DENND4A: variants seen among roughly 807,000 people sequenced by gnomAD.
DENND4A encodes the protein DENN domain containing 4A.
Under a neutral mutation model 199.3 loss-of-function variants are expected in DENND4A, and 70 were observed. That is an observed-to-expected ratio of 0.35 (90% CI 0.29 to 0.43). The LOEUF (loss-of-function observed/expected upper bound fraction) is 0.43, where lower values mean the gene tolerates loss of function less well. Among genes scored for constraint, DENND4A ranks in the 20% least tolerant of loss-of-function variants. The pLI, the probability that DENND4A is intolerant of heterozygous loss-of-function variation, is 1.00. For synonymous variants in DENND4A, 686 were observed against 766.9 expected (o/e 0.89, Z 1.74); for missense variants, 1,723 against 2,255.8 (o/e 0.76, Z 4.78).
chr15:65,732,492 A>G lies in DENND4A; in HGVS notation c.1107+260T>C, dbSNP rs1189155090. 2.6e-5 allele frequency among the ~76,000 whole-genome samples: 4 copies of G among 152,144 alleles called. No individual in the cohort carries two copies. In the South Asian group the frequency reaches 8.3e-4, roughly 31 times the overall value. On this transcript the variant is annotated intron_variant, in intron 8 of 32. Transcript: ENST00000443035. ...ATACCTACAACAAATTTAGGGGAAA[A>G]AAGTTCCTTTCTGTGTATTCAAAAT...
At chr15:65,757,995 A>G (rs1441393097) in intron 2 of DENND4A, among the ~76,000 whole-genome samples, 2 of 152,142 alleles carry the variant, frequency 1.3e-5, no homozygotes, top group Non-Finnish European at 2.9e-5. Flanking sequence ...AAGAAAAAAA[A>G]AAGTGTTCCC....
At chr15:65,727,996 T>G (rs985439368) in intron 11 of DENND4A, among the ~76,000 whole-genome samples, 11 of 152,002 alleles carry the variant, frequency 7.2e-5, no homozygotes, top group African/African-American at 2.7e-4. Flanking sequence ...GATGAGTTTT[T>G]TTTGTTTGTT....
At position 65,760,588 on chromosome 15, in the gene DENND4A, C is replaced by T. The variant is rs145230365; in HGVS notation, c.-23+772G>A. ...CATAAAATAGTTTTATGTCTTGCTA[C>T]GTAGAAAGAAGGGTAAGAGGCCGGG... On this transcript the variant is annotated intron_variant, in intron 2 of 32. Coordinates refer to ENST00000443035, the MANE Select transcript of DENND4A (RefSeq NM_001320835.1). Among the ~76,000 whole-genome samples the T allele has an allele frequency of 2.4e-3, 358 of 151,762 alleles. 3 individuals are homozygous for T. The highest frequency in any genetic ancestry group is 8.1e-3 in the African/African-American group (334 of 41,372).
chr15:65,768,348 T>A (rs1567094045), intron 1 of DENND4A, among the ~76,000 whole-genome samples: 1 of 152,082 alleles, frequency 6.6e-6, no homozygotes, highest in East Asian at 1.9e-4. Flanking sequence ...TTCTTTTACT[T>A]TTTAAAATAT....
At chr15:65,683,867 T>A (rs887209303) in intron 23 of DENND4A, among the ~76,000 whole-genome samples, 1 of 152,228 alleles carries the variant, frequency 6.6e-6, no homozygotes, top group Non-Finnish European at 1.5e-5. Context: ...AGATACCTCA[T>A]GCCCATTTAC....
intron 1 of DENND4A, among the ~76,000 whole-genome samples, chr15:65,789,973 T>A (rs934049207): frequency 6.6e-6 from 1 of 152,158 alleles, no homozygotes; most frequent in Admixed American, 6.5e-5. Flanking sequence ...CTGGGCAACA[T>A]GGCGAAACCC....
chr15:65,738,681 A>C, intron 6 of DENND4A, 25 bp downstream of exon 6: 2 of 1,574,988 alleles, frequency 1.3e-6, no homozygotes, highest in Non-Finnish European at 1.7e-6. Context: ...AAATTTGTAG[A>C]TACAATTTGT....
intron 24 of DENND4A, among the ~76,000 whole-genome samples, chr15:65,673,901 C>G (rs78852959): frequency 7.7e-4 from 117 of 152,236 alleles, no homozygotes; most frequent in African/African-American, 2.7e-3. Context: ...AACTAATCTA[C>G]AGTATAGAAT....
At chr15:65,716,129 C>G (rs953128093) in intron 13 of DENND4A, among the ~76,000 whole-genome samples, 3 of 152,040 alleles carry the variant, frequency 2.0e-5, no homozygotes, top group African/African-American at 4.8e-5. Context: ...CTTTCAGGCC[C>G]AGGAATTCAA....
chr15:65,753,636 C>T (rs749512631), intron 3 of DENND4A, among the ~76,000 whole-genome samples: 5 of 151,892 alleles, frequency 3.3e-5, no homozygotes, highest in African/African-American at 4.8e-5. Context: ...TGGGATTACA[C>T]GTGTAAGCCA....
rs763902936 is a variant in DENND4A at position 65,669,771 on chromosome 15, A to T, written c.4787+8T>A. 4 of 1,599,972 alleles carry T rather than the reference A, an allele frequency of 2.5e-6. No individual in the cohort carries two copies. The highest frequency in any genetic ancestry group is 2.6e-6 in the Non-Finnish European group (3 of 1,170,582). ...TGTTAAAATATAGTTCCACATAATC[A>T]TAATTACCTATTTAGATCAAAATTC... On this transcript the variant is annotated splice_region_variant and intron_variant, in intron 27 of 32. Transcript: ENST00000443035.
At chr15:65,785,685 T>C (rs924778011) in intron 1 of DENND4A, among the ~76,000 whole-genome samples, 5 of 152,100 alleles carry the variant, frequency 3.3e-5, no homozygotes, top group African/African-American at 1.2e-4. Context: ...ACTACGTATA[T>C]AATAGTTATC....
Position 65,737,894 on chromosome 15 carries a change from T to C in DENND4A, c.853A>G (p.Thr285Ala), listed in dbSNP as rs767401227. ...CCCAAAAGAAGTCTCTGCTTTTCTG[T>C]GAGATTCTCCTCAGAGTATGGTTCA... ...FYEPYSEENL[T>A]EKQRLLLGLT... is the part of the protein sequence containing the mutation. Residue 285 changes from threonine (T) to alanine (A), a missense_variant, in exon 7 of 33, where the codon ACA becomes GCA. By Grantham distance (58) the Thr-to-Ala change is moderately conservative. This residue lies in a region of DENND4A where 725 missense variants were observed against 952.9 expected (regional missense o/e 0.76). Transcript: ENST00000443035. The C allele has an allele frequency of 6.2e-7, 1 of 1,602,596 alleles. No individual in the cohort carries two copies. Among genetic ancestry groups the C allele is most frequent in the South Asian group, 1.1e-5 (1 of 89,074 alleles).
At position 65,667,930 on chromosome 15, in the gene DENND4A, C is replaced by A. The variant is rs775112024; in HGVS notation, c.4981G>T (p.Ala1661Ser). ...TGSLPATLQG[A>S]TDSLGLEWHL... ...AAATACACCAAAATACATACTGTAGCTCCTTGTAAAGTAGCTGGCAGGCTG... is the reference window on the plus strand; with the variant it reads ...AAATACACCAAAATACATACTGTAGATCCTTGTAAAGTAGCTGGCAGGCTG... Residue 1661 changes from alanine to serine, a missense_variant, in exon 28 of 33, where the codon GCT becomes TCT. This residue lies in a region of DENND4A where 141 missense variants were observed against 170.7 expected (regional missense o/e 0.83). Transcript: ENST00000443035. 1 of 1,605,248 alleles carries A rather than the reference C, an allele frequency of 6.2e-7. No individual in the cohort carries two copies. Among genetic ancestry groups the A allele is most frequent in the Non-Finnish European group, 8.5e-7 (1 of 1,178,122 alleles).
intron 2 of DENND4A, among the ~76,000 whole-genome samples, chr15:65,759,926 A>G (rs2076809563): frequency 6.6e-6 from 1 of 152,018 alleles, no homozygotes; most frequent in African/African-American, 2.4e-5. Flanking sequence ...ACTTCTACTT[A>G]TTTTGCTAAT....
At chr15:65,715,311 C>T (rs2075365881) in intron 14 of DENND4A, 167 bp downstream of exon 14, 3 of 561,052 alleles carry the variant, frequency 5.3e-6, no homozygotes, top group Non-Finnish European at 8.8e-6. Context: ...GTAAGAGGTG[C>T]ATTCTATAAT....
chr15:65,720,163 A>G (rs996165162), intron 12 of DENND4A, among the ~76,000 whole-genome samples: 1 of 152,174 alleles, frequency 6.6e-6, no homozygotes, highest in Non-Finnish European at 1.5e-5. Context: ...GTAATTCTCA[A>G]TGTTAATTTT....
intron 7 of DENND4A, among the ~76,000 whole-genome samples, chr15:65,736,944 TG>T (rs2076135984): frequency 6.6e-6 from 1 of 152,192 alleles, no homozygotes; most frequent in Non-Finnish European, 1.5e-5. Context: ...TAACATGCAA[TG>T]GGTGTGTTAT....
In DENND4A at chr15:65,774,677, TAAAATA is replaced by T. The variant is rs968431134; in HGVS notation, c.-101-13245_-101-13240del. 1.9e-3 allele frequency among the ~76,000 whole-genome samples: 289 copies of T among 151,538 alleles called. 1 individual carries two copies. Among genetic ancestry groups the T allele is most frequent in the African/African-American group, 6.8e-3 (282 of 41,354 alleles). Reference sequence around the variant, plus strand: ...AAAGTGAGACCCTGTCTCAAAAAAATAAAATAAAAATAAAAATAAGATGTTTTATAA... The same window carrying T: ...AAAGTGAGACCCTGTCTCAAAAAAATAAAATAAAAATAAGATGTTTTATAA... On this transcript the variant is annotated intron_variant, in intron 1 of 32. Coordinates refer to ENST00000443035, the MANE Select transcript of DENND4A (RefSeq NM_001320835.1).
Sources: allele counts gnomAD v4.1 joint callset (sites outside exome capture counted in the v4.1 genomes callset), GRCh38; gene constraint gnomAD v4.1.1; regional missense constraint gnomAD v4.1.1; transcripts MANE v1.5; gene names NCBI Gene and HGNC (gene_info 2026-07-23, HGNC 2026-07-21).